The following DIXDC1 variants were observed in gnomAD, a reference collection of about 807,000 sequenced individuals.
The protein encoded by DIXDC1 is DIX domain containing 1.
A neutral mutation model predicts 103.1 loss-of-function variants in DIXDC1; 64 were observed. The observed-to-expected ratio is 0.62, with a 90% confidence interval of 0.51 to 0.76. DIXDC1 has a LOEUF of 0.76. DIXDC1 is among the 30% of genes least tolerant of loss of function. The probability of loss-of-function intolerance (pLI) is 0.00; values close to 1 mark genes in which losing one functional copy is unlikely to be tolerated. For missense variants in DIXDC1, 759 were observed against 834.2 expected (o/e 0.91, Z 1.11); for synonymous variants, 266 against 298.5 (o/e 0.89, Z 1.12).
At chr11:111,961,862 ACT>A (rs1482256846) in intron 1 of DIXDC1, among the ~76,000 whole-genome samples, 24 of 152,004 alleles carry the variant, frequency 1.6e-4, no homozygotes, top group Non-Finnish European at 7.4e-5. Context: ...AACTATTGTG[ACT>A]CTCCACATAA....
rs1263797683 is a variant in DIXDC1, at chr11:112,019,218, A to G, written c.*182A>G. ...CTGTGCCTGGCATATCTGGTACTTA[A>G]AATTCTGTCCAAATGTAGACCATGG... On this transcript the variant is annotated 3_prime_UTR_variant, in exon 20 of 20. Transcript: ENST00000440460. 2.0e-6 allele frequency: 1 copy of G among 507,912 alleles called. No homozygotes were observed. The highest frequency in any genetic ancestry group is 1.9e-5 in the African/African-American group (1 of 52,408). The allele number at this position is 507,912 out of a possible 1,614,324, so 31.5% of individuals were successfully genotyped here.
chr11:111,964,727 G>A, intron 2 of DIXDC1, 49 bp downstream of exon 2: 1 of 1,523,288 alleles, frequency 6.6e-7, no homozygotes, highest in Non-Finnish European at 8.8e-7. Context: ...TCAGAATCTG[G>A]CCTTCTTTAT....
At chr11:112,004,026 TTATATA>T (rs34490826) in intron 17 of DIXDC1, among the ~76,000 whole-genome samples, 8,426 of 127,954 alleles carry the variant, frequency 0.066, 802 homozygotes, top group African/African-American at 0.22. Context: ...AAAAAAAAAA[TTATATA>T]TATATATATA....
Position 111,931,504 on chromosome 11 carries a change from G to T in DIXDC1, c.57+1594G>T, listed in dbSNP as rs1014491573. Among the ~76,000 whole-genome samples, 3 of 152,090 alleles carry T rather than the reference G, an allele frequency of 2.0e-5. No homozygotes were observed. The South Asian group carries it at 6.2e-4, about 32-fold the overall frequency. ...CTAAAAAAACAAAAATTAGCTGGACGTGGTGGCGGACGCCTGTAATCCCAG... is the reference window on the plus strand; with the variant it reads ...CTAAAAAAACAAAAATTAGCTGGACTTGGTGGCGGACGCCTGTAATCCCAG... On this transcript the variant is annotated intron_variant, in intron 2 of 5. Coordinates refer to the DIXDC1 transcript ENST00000529225.
At position 111,986,898 on chromosome 11, in the gene DIXDC1, A is replaced by C; in HGVS notation, c.1036A>C (p.Ser346Arg). The C allele has an allele frequency of 6.4e-7, 1 of 1,574,644 alleles. No homozygotes were observed. Residue 346 changes from serine to arginine, a missense_variant, in exon 9 of 20, where the codon AGT (serine) becomes CGT (arginine). Around this residue, in one of 3 missense-constraint regions of DIXDC1, gnomAD observed 657 missense variants for 727.5 expected, o/e 0.90. Transcript: ENST00000440460. The stretch of plus-strand genomic sequence containing the variant: ...TATAATCCAAAGTCGTCTGGATCAG[A>C]GTATGGAGGAGAATCAGGACTTAAA... ...LIIIQSRLDQ[S>R]MEENQDLKKE... is the part of the protein sequence containing the mutation.
At chr11:111,988,381 G>GATAC (rs782436958) in intron 9 of DIXDC1, among the ~76,000 whole-genome samples, 33 of 152,170 alleles carry the variant, frequency 2.2e-4, no homozygotes, top group Middle Eastern at 3.2e-3. Flanking sequence ...ATCTTGATGT[G>GATAC]ATACAATAGG....
chr11:111,979,189 C>G (rs1860217870), intron 5 of DIXDC1, among the ~76,000 whole-genome samples: 1 of 152,198 alleles, frequency 6.6e-6, no homozygotes, highest in African/African-American at 2.4e-5. Flanking sequence ...TCATTCCCAG[C>G]AAAGCCCCTA....
At chr11:111,937,256 C>T, upstream of DIXDC1, 1 of 1,261,574 alleles carries the variant, frequency 7.9e-7, no homozygotes, top group Non-Finnish European at 1.0e-6. Context: ...CAACCTAGTG[C>T]GCGCCCAGTT....
chr11:111,953,192 G>A (rs587724168), intron 1 of DIXDC1, among the ~76,000 whole-genome samples: 3 of 152,236 alleles, frequency 2.0e-5, no homozygotes, highest in African/African-American at 7.2e-5. Context: ...CATATAAACT[G>A]GAAACTAATG....
At chr11:111,931,872 T>C (rs937110690) in intron 2 of DIXDC1, among the ~76,000 whole-genome samples, 89 of 152,244 alleles carry the variant, frequency 5.8e-4, no homozygotes, top group Admixed American at 3.9e-3. Context: ...TAATTACTGA[T>C]GTGGAGCTCT....
Position 111,977,411 on chromosome 11 carries a change from GC to G in DIXDC1, c.656+2430del. ...GTGGGAGATGGGTTGAGATGCCCCC[GC>G]CAGGGGGGATGCCCGGCACCGTGCG... On this transcript the variant is annotated intron_variant, in intron 5 of 19. Transcript: ENST00000440460. The surrounding 1 kb of genome is among the most constrained non-coding windows in gnomAD (Gnocchi z 6.1). 4 of 1,154,962 alleles carry G rather than the reference GC, an allele frequency of 3.5e-6. No individual in the cohort carries two copies. In the African/African-American group the frequency reaches 5.0e-5, roughly 14 times the overall value. 71.5% of individuals were successfully genotyped at this position (1,154,962 alleles called of 1,614,324 possible). A position where few individuals can be genotyped will look rare whatever the true frequency, so the allele number is the denominator to read the frequency against.
At chr11:111,934,244 A>G (rs1440305433), upstream of DIXDC1, among the ~76,000 whole-genome samples, 1 of 152,250 alleles carries the variant, frequency 6.6e-6, no homozygotes, top group African/African-American at 2.4e-5. Context: ...AGTGCTGAGT[A>G]CAGGGTTTGG....
At chr11:111,987,365 T>A (rs1860528270) in intron 9 of DIXDC1, among the ~76,000 whole-genome samples, 1 of 152,082 alleles carries the variant, frequency 6.6e-6, no homozygotes, top group African/African-American at 2.4e-5. Context: ...GAGAGATACA[T>A]CCCAAATATG....
In DIXDC1 at chr11:111,964,630, C is replaced by T. The variant is rs587726814; in HGVS notation, c.142C>T (p.Gln48Ter). 14 of 1,612,384 alleles carry T rather than the reference C, an allele frequency of 8.7e-6. No homozygotes were observed. In the South Asian group the frequency reaches 1.5e-4, roughly 18 times the overall value. The change falls in exon 2 of 20, where the codon CAA (glutamine) becomes TAA (stop). Residue 48 changes from glutamine to a stop codon, truncating the protein, a stop_gained. Transcript: ENST00000440460. LOFTEE classifies it high-confidence loss of function. ...AGTGAAGCCTGTGCAGGACCTGCGA[C>T]AAGATCTCCGGGATGGGGTGATCCT... The part of the protein sequence containing the change: ...PAVKPVQDLR[Q>*]DLRDGVILAY...
chr11:111,964,764 A>AT, intron 2 of DIXDC1, 86 bp downstream of exon 2: 1 of 1,441,198 alleles, frequency 6.9e-7, no homozygotes, highest in Non-Finnish European at 9.2e-7. Context: ...AGAGCAGGTT[A>AT]TTTTTTCTTT....
At chr11:111,944,291 C>A (rs1316318652) in intron 1 of DIXDC1, among the ~76,000 whole-genome samples, 2 of 152,200 alleles carry the variant, frequency 1.3e-5, no homozygotes, top group East Asian at 3.8e-4. Flanking sequence ...TTCTTGTTTG[C>A]TTTTCTTGTT....
At chr11:111,930,789 G>A (rs1057206606) in intron 2 of DIXDC1, among the ~76,000 whole-genome samples, 6 of 151,570 alleles carry the variant, frequency 4.0e-5, no homozygotes, top group Non-Finnish European at 7.4e-5. Context: ...CTTGAGGCCA[G>A]GAGTTCAAGA....
rs201418275 is a variant in DIXDC1 at position 111,995,524 on chromosome 11, G to T, written c.1649G>T (p.Arg550Leu). The T allele has an allele frequency of 2.5e-4, 406 of 1,613,974 alleles. 8 individuals are homozygous for T. In the South Asian group the frequency reaches 4.3e-3, roughly 17 times the overall value. ...CAGGGCATTTCTAGCCTCATGGAGC[G>T]CCTGCATGTTATGGAGACGCAGAAG... ...LEQGISSLME[R>L]LHVMETQKKQ... The change falls in exon 16 of 20, where the codon CGC (arginine) becomes CTC (leucine). Residue 550 changes from arginine (R) to leucine (L), a missense_variant. By Grantham distance (102) the Arg-to-Leu change is moderately radical (BLOSUM62 -2). Coordinates refer to ENST00000440460, the MANE Select transcript of DIXDC1 (RefSeq NM_001037954.4).
Position 111,974,157 on chromosome 11 carries a change from T to C in DIXDC1, c.451T>C (p.Cys151Arg). 1.2e-6 allele frequency: 2 copies of C among 1,614,056 alleles called. No individual in the cohort carries two copies. Among genetic ancestry groups the C allele is most frequent in the Non-Finnish European group, 1.7e-6 (2 of 1,179,904 alleles). Reference sequence around the variant, plus strand: ...CCCTCTGCAAAGTCACCGACCACACTGTGCCACTGCTGTTGCCCAGGGAGC... The same window carrying C: ...CCCTCTGCAAAGTCACCGACCACACCGTGCCACTGCTGTTGCCCAGGGAGC... Reference protein sequence around the residue: ...RAPLQSHRPHCATAVAQGAAA... With the variant: ...RAPLQSHRPHRATAVAQGAAA... Residue 151 changes from cysteine to arginine, a missense_variant, in exon 4 of 20, where the codon TGT becomes CGT. Coordinates refer to ENST00000440460, the MANE Select transcript of DIXDC1 (RefSeq NM_001037954.4).
Sources: allele counts gnomAD v4.1 joint callset (sites outside exome capture counted in the v4.1 genomes callset), GRCh38; gene constraint gnomAD v4.1.1; regional missense constraint gnomAD v4.1.1; non-coding constraint Gnocchi (gnomAD v3.1); transcripts MANE v1.5; gene names NCBI Gene and HGNC (gene_info 2026-07-23, HGNC 2026-07-21).